The following ASTN2 variants were observed in gnomAD, a reference collection of about 807,000 sequenced individuals.
ASTN2 encodes astrotactin 2.
A neutral mutation model predicts 139.8 loss-of-function variants in ASTN2; 54 were observed. The observed-to-expected ratio is 0.39, with a 90% CI of 0.31 to 0.48. ASTN2 has a LOEUF of 0.48. Ranked by LOEUF, ASTN2 falls within the 20% of genes least tolerant of loss-of-function variation. The pLI is 0.95. For synonymous variants in ASTN2, 756 were observed against 719.5 expected, an observed-to-expected ratio of 1.05 and a Z score of -0.81; for missense variants, 1,565 against 1,725.1, an observed-to-expected ratio of 0.91 and a Z score of 1.64.
chr9:116,696,745 A>G (rs1159115660), intron 16 of ASTN2, among the ~76,000 whole-genome samples: 1 of 152,164 alleles, frequency 6.6e-6, no homozygotes, highest in Non-Finnish European at 1.5e-5. Flanking sequence ...TCTGTATCCT[A>G]AAGACCTCTT....
intron 16 of ASTN2, among the ~76,000 whole-genome samples, chr9:116,676,922 A>G (rs1020729695): frequency 6.6e-6 from 1 of 152,184 alleles, no homozygotes; most frequent in African/African-American, 2.4e-5. Context: ...TAAATCTTGT[A>G]AAAAAGAAAC....
At chr9:117,150,114 G>A (rs574670020) in intron 3 of ASTN2, among the ~76,000 whole-genome samples, 3 of 152,196 alleles carry the variant, frequency 2.0e-5, no homozygotes, top group African/African-American at 4.8e-5. Flanking sequence ...TAAATTTAGC[G>A]ATATTTTTCT....
intron 3 of ASTN2, among the ~76,000 whole-genome samples, chr9:117,168,960 G>T (rs2132919473): frequency 6.6e-6 from 1 of 152,060 alleles, no homozygotes; most frequent in African/African-American, 2.4e-5. Flanking sequence ...TTAATTGCAG[G>T]GGCAATCTTG....
chr9:116,537,237 G>C (rs1851676730), intron 19 of ASTN2, among the ~76,000 whole-genome samples: 1 of 152,332 alleles, frequency 6.6e-6, no homozygotes, highest in Middle Eastern at 3.4e-3. Context: ...CGCTCACACT[G>C]GGAGCTGTAG....
At chr9:116,527,088 C>A (rs373865838) in intron 19 of ASTN2, among the ~76,000 whole-genome samples, 2 of 152,184 alleles carry the variant, frequency 1.3e-5, no homozygotes, top group East Asian at 3.9e-4. Flanking sequence ...TATAAAGTAA[C>A]TAGAAGAAAA....
intron 1 of ASTN2, among the ~76,000 whole-genome samples, chr9:117,305,503 C>T (rs761194735): frequency 1.1e-4 from 17 of 152,290 alleles, no homozygotes; most frequent in Non-Finnish European, 2.1e-4. Context: ...CACCTGGATT[C>T]CCACCTCTGC....
At chr9:117,313,141 G>A (rs1002332210) in intron 1 of ASTN2, among the ~76,000 whole-genome samples, 1 of 152,184 alleles carries the variant, frequency 6.6e-6, no homozygotes, top group Non-Finnish European at 1.5e-5. Context: ...ACACCAGGGT[G>A]GCAATCTCAA....
chr9:117,071,886 ACCCACTGGCCTGCG>A (rs1039420756), intron 5 of ASTN2, among the ~76,000 whole-genome samples: 7 of 152,094 alleles, frequency 4.6e-5, no homozygotes, highest in African/African-American at 1.7e-4. Context: ...CCGTGCGCGC[ACCCACTGGCCTGCG>A]CCCACTGTCT....
chr9:116,960,736 T>C (rs1403805960), intron 10 of ASTN2, among the ~76,000 whole-genome samples: 4 of 152,152 alleles, frequency 2.6e-5, no homozygotes, highest in Admixed American at 2.0e-4. Flanking sequence ...AGTTTAGAGA[T>C]GAAGGAAGTG....
intron 17 of ASTN2, among the ~76,000 whole-genome samples, chr9:116,630,770 G>A (rs946433353): frequency 6.6e-6 from 1 of 152,102 alleles, no homozygotes; most frequent in Admixed American, 6.5e-5. Flanking sequence ...AGAGGGAAAA[G>A]ACAAAGTACA....
At chr9:116,701,490 T>A (rs1029075476) in intron 16 of ASTN2, among the ~76,000 whole-genome samples, 3 of 152,166 alleles carry the variant, frequency 2.0e-5, no homozygotes, top group Non-Finnish European at 4.4e-5. Flanking sequence ...TTGCTGTCAG[T>A]GGGGGACTTG....
chr9:116,523,760 C>G (rs546119208), intron 19 of ASTN2, among the ~76,000 whole-genome samples: 4 of 152,186 alleles, frequency 2.6e-5, no homozygotes, highest in Non-Finnish European at 5.9e-5. Context: ...CCTTTGAGAC[C>G]AGCTTCAAAT....
At chr9:116,747,528 G>A (rs531285570) in intron 13 of ASTN2, among the ~76,000 whole-genome samples, 2 of 152,270 alleles carry the variant, frequency 1.3e-5, no homozygotes, top group Admixed American at 1.3e-4. Flanking sequence ...CCTGCCAGAG[G>A]TGGGGGAACT....
chr9:116,928,737 T>TA (rs1010191023), intron 10 of ASTN2, among the ~76,000 whole-genome samples: 87 of 141,720 alleles, frequency 6.1e-4, no homozygotes, highest in South Asian at 9.1e-4. Flanking sequence ...AGGTACAGGG[T>TA]AAAAAAAAAA....
At chr9:116,725,633 G>T in intron 16 of ASTN2, 138 bp downstream of exon 16, 1 of 801,854 alleles carries the variant, frequency 1.2e-6, no homozygotes, top group Non-Finnish European at 2.0e-6. Context: ...TCAGAGAGAG[G>T]CAGGGACTTG....
intron 19 of ASTN2, among the ~76,000 whole-genome samples, chr9:116,549,263 A>C (rs1852235328): frequency 6.8e-6 from 1 of 147,066 alleles, no homozygotes; most frequent in African/African-American, 2.6e-5. Context: ...AAAATGAAAA[A>C]AAAAAAACAG....
chr9:116,914,883 A>G (rs916984679), intron 10 of ASTN2, among the ~76,000 whole-genome samples: 1 of 152,166 alleles, frequency 6.6e-6, no homozygotes, highest in Non-Finnish European at 1.5e-5. Flanking sequence ...AGGCTCTGTG[A>G]GAAGCAATCA....
intron 1 of ASTN2, among the ~76,000 whole-genome samples, chr9:117,375,963 C>A (rs916941763): frequency 4.6e-5 from 7 of 152,122 alleles, no homozygotes; most frequent in Non-Finnish European, 7.3e-5. Context: ...ATCTTCACAT[C>A]CCCCTCGATG....
chr9:116,767,153 T>TACAC (rs34813123), intron 13 of ASTN2, among the ~76,000 whole-genome samples: 19,021 of 150,472 alleles, frequency 0.13, 1,180 homozygotes, highest in South Asian at 0.24. Flanking sequence ...ATCCTACATA[T>TACAC]ACACACACAC....
Sources: gnomAD v4.1 joint callset for allele counts (sites outside exome capture counted in the v4.1 genomes callset) on GRCh38, gnomAD v4.1.1 for gene constraint, MANE v1.5 for transcripts, NCBI Gene and HGNC (gene_info 2026-07-23, HGNC 2026-07-21) for gene names.